The following PXDNL variants were observed in gnomAD, a reference collection of about 807,000 sequenced individuals.
The protein encoded by PXDNL is peroxidasin like.
A neutral mutation model predicts 150.8 loss-of-function variants in PXDNL; 145 were observed. The ratio of observed to expected loss-of-function variants is 0.96; its 90% CI spans 0.84 to 1.10. The LOEUF (loss-of-function observed/expected upper bound fraction) is 1.10. PXDNL is among the 50% of genes least tolerant of loss of function. The pLI, the probability that PXDNL is intolerant of heterozygous loss-of-function variation, is 0.00. For missense variants in PXDNL, 2,087 were observed against 1,873.9 expected (o/e 1.11, Z -2.10); for synonymous variants, 757 against 725.7 (o/e 1.04, Z -0.69).
At chr8:51,569,698 C>A (rs56822696) in intron 3 of PXDNL, among the ~76,000 whole-genome samples, 10,769 of 151,600 alleles carry the variant, frequency 0.071, 979 homozygotes, top group African/African-American at 0.22. Flanking sequence ...TCAAATCATT[C>A]AAATATTTTA....
At position 51,725,249 on chromosome 8, in the gene PXDNL, G is replaced by A. The variant is rs528814539; in HGVS notation, c.165-70489C>T. On this transcript the variant is annotated intron_variant, in intron 1 of 22. Coordinates refer to ENST00000356297, the MANE Select transcript of PXDNL (RefSeq NM_144651.5). ...TCAATAGCCCCATCCTCATTCCCATGGCACCATGTCCGTCGATCACAGAAA... is the reference window on the plus strand; with the variant it reads ...TCAATAGCCCCATCCTCATTCCCATAGCACCATGTCCGTCGATCACAGAAA... Among the ~76,000 whole-genome samples the A allele has an allele frequency of 9.9e-5, 15 of 152,132 alleles. No homozygotes were observed. In the East Asian group the frequency reaches 1.5e-3, roughly 16 times the overall value.
intron 2 of PXDNL, among the ~76,000 whole-genome samples, chr8:51,598,282 G>T (rs968609808): frequency 3.9e-5 from 6 of 152,060 alleles, no homozygotes; most frequent in African/African-American, 1.4e-4. Flanking sequence ...GAATAGGAAT[G>T]ATGGGTGTTG....
intron 12 of PXDNL, among the ~76,000 whole-genome samples, chr8:51,442,519 G>A (rs1809575044): frequency 6.6e-6 from 1 of 151,838 alleles, no homozygotes; most frequent in Admixed American, 6.6e-5. Context: ...ATTTTATCAT[G>A]TTAAAGAAAT....
chr8:51,522,099 CTTATTT>C (rs139863614), intron 4 of PXDNL, among the ~76,000 whole-genome samples: 117 of 152,144 alleles, frequency 7.7e-4, no homozygotes, highest in Non-Finnish European at 1.3e-3. Flanking sequence ...TTTTATTTTT[CTTATTT>C]TTAAGTTCTC....
rs138210524 is a variant in PXDNL at position 51,652,437 on chromosome 8, TCTCA to T, written c.236+2248_236+2251del. Among the ~76,000 whole-genome samples the T allele has an allele frequency of 4.9e-4, 71 of 143,822 alleles. No individual in the cohort carries two copies. The South Asian group carries it at 6.5e-3, about 13-fold the overall frequency. The allele number at this position is 143,822 out of a possible 152,430, so 94.4% of individuals were successfully genotyped here. A position where few individuals can be genotyped will look rare whatever the true frequency, so the allele number is the denominator to read the frequency against. ...CTGTCTCTCTGTCTCTCTCTCTCTC[TCTCA>T]CACACACACACACACACACAAACAC... On this transcript the variant is annotated intron_variant, in intron 2 of 22. Transcript: ENST00000356297.
intron 17 of PXDNL, among the ~76,000 whole-genome samples, chr8:51,386,214 T>A (rs1268574078): frequency 6.6e-6 from 1 of 151,958 alleles, no homozygotes; most frequent in Non-Finnish European, 1.5e-5. Context: ...TGCCTCAGCC[T>A]CCGGAGTAGC....
intron 10 of PXDNL, among the ~76,000 whole-genome samples, chr8:51,449,848 T>C (rs1179895368): frequency 1.3e-5 from 2 of 152,070 alleles, no homozygotes; most frequent in South Asian, 2.1e-4. Flanking sequence ...CCAATCCAGA[T>C]CCCAAAAAAG....
chr8:51,412,711 G>A (rs924269328), intron 15 of PXDNL, among the ~76,000 whole-genome samples: 2 of 152,214 alleles, frequency 1.3e-5, no homozygotes, highest in Admixed American at 6.5e-5. Flanking sequence ...GGTTTCACTA[G>A]TCCATGAACA....
chr8:51,490,796 C>G (rs1374750169), intron 5 of PXDNL, among the ~76,000 whole-genome samples: 2 of 150,744 alleles, frequency 1.3e-5, no homozygotes, highest in African/African-American at 2.4e-5. Flanking sequence ...AAGATAAATC[C>G]TCATCTTCAG....
chr8:51,344,469 C>G (rs1471653057), intron 20 of PXDNL, among the ~76,000 whole-genome samples: 1 of 152,032 alleles, frequency 6.6e-6, no homozygotes, highest in Non-Finnish European at 1.5e-5. Context: ...TTCTTTCAGA[C>G]TTGGACTCCC....
chr8:51,334,160 A>T (rs537306720), intron 21 of PXDNL, among the ~76,000 whole-genome samples: 16 of 152,308 alleles, frequency 1.1e-4, no homozygotes, highest in Admixed American at 3.9e-4. Context: ...ATCAATTCCA[A>T]AAGGAACCCT....
At chr8:51,502,733 G>A (rs1343805397) in intron 4 of PXDNL, among the ~76,000 whole-genome samples, 1 of 151,632 alleles carries the variant, frequency 6.6e-6, no homozygotes, top group Non-Finnish European at 1.5e-5. Context: ...CTTGAGTTTA[G>A]CATAAGAATT....
At chr8:51,386,735 T>A (rs1041663834) in intron 17 of PXDNL, among the ~76,000 whole-genome samples, 2 of 151,794 alleles carry the variant, frequency 1.3e-5, no homozygotes, top group Non-Finnish European at 2.9e-5. Context: ...AAAAATTGCT[T>A]GAACCCAGGA....
intron 19 of PXDNL, among the ~76,000 whole-genome samples, chr8:51,368,791 T>C (rs951757293): frequency 2.7e-5 from 4 of 150,652 alleles, no homozygotes; most frequent in African/African-American, 9.8e-5. Flanking sequence ...AGATCAGGAG[T>C]TCAAGACCAG....
At chr8:51,516,392 C>A (rs1811540265) in intron 4 of PXDNL, among the ~76,000 whole-genome samples, 1 of 152,136 alleles carries the variant, frequency 6.6e-6, no homozygotes, top group Non-Finnish European at 1.5e-5. Context: ...GTATTTAAGC[C>A]TGGGCGTCTG....
intron 2 of PXDNL, 46 bp downstream of exon 2, chr8:51,654,643 C>A (rs1344130810): frequency 1.4e-6 from 2 of 1,430,410 alleles, no homozygotes; most frequent in Admixed American, 1.7e-5. Flanking sequence ...GCCATCCAAC[C>A]AGCATATAAT....
chr8:51,339,991 G>T, intron 20 of PXDNL: 1 of 327,452 alleles, frequency 3.1e-6, no homozygotes, highest in Non-Finnish European at 5.5e-6. Flanking sequence ...TAATAAGAAA[G>T]TATTTCTTAT....
chr8:51,756,985 T>C (rs2037109163), intron 1 of PXDNL, among the ~76,000 whole-genome samples: 1 of 152,224 alleles, frequency 6.6e-6, no homozygotes, highest in African/African-American at 2.4e-5. Context: ...TTTATATTGG[T>C]GATTACTTCT....
chr8:51,654,699 A>C lies in PXDNL; in HGVS notation c.226T>G (p.Leu76Val), dbSNP rs370296302. 5.0e-6 allele frequency: 8 copies of C among 1,612,592 alleles called. No individual in the cohort carries two copies. Among genetic ancestry groups the C allele is most frequent in the Non-Finnish European group, 6.8e-6 (8 of 1,179,090 alleles). Reference protein sequence around the residue: ...PGSAFKKLKNLNTLLLNNNHI... With the variant: ...PGSAFKKLKNVNTLLLNNNHI... ...GCAATAAGTACTCACAGTGTGTTCAAATTCTTGAGTTTCTTGAAGGCGCTC... is the reference window on the plus strand; with the variant it reads ...GCAATAAGTACTCACAGTGTGTTCACATTCTTGAGTTTCTTGAAGGCGCTC... Residue 76 changes from leucine to valine, a missense_variant, in exon 2 of 23, where the codon TTG becomes GTG. Transcript: ENST00000356297.
Sources: allele counts gnomAD v4.1 joint callset (sites outside exome capture counted in the v4.1 genomes callset), GRCh38; gene constraint gnomAD v4.1.1; transcripts MANE v1.5; gene names NCBI Gene and HGNC (gene_info 2026-07-23, HGNC 2026-07-21).